Variants in RIMBP2 observed in about 807,000 individuals in gnomAD.
RIMBP2 encodes RIMS-binding protein 2.
Under a neutral mutation model 118.6 loss-of-function variants are expected in RIMBP2, and 48 were observed. The ratio of observed to expected loss-of-function variants is 0.40; its 90% CI spans 0.32 to 0.51. The LOEUF is 0.51. RIMBP2 is among the 20% of genes least tolerant of loss of function. The pLI is 0.41. For synonymous variants in RIMBP2, 762 were observed against 742.9 expected (o/e 1.03, Z -0.42); for missense variants, 1,551 against 1,768.3 (o/e 0.88, Z 2.20).
intron 4 of RIMBP2, among the ~76,000 whole-genome samples, chr12:130,494,253 C>T (rs1419684234): frequency 6.6e-6 from 1 of 152,118 alleles, no homozygotes. Flanking sequence ...AGCATCAGGC[C>T]TAGAAGTTGG....
intron 1 of RIMBP2, among the ~76,000 whole-genome samples, chr12:130,641,509 A>T (rs10848171): frequency 0.79 from 89,639 of 113,304 alleles, 35,324 homozygotes; most frequent in Non-Finnish European, 0.88. Context: ...TCGGCCCGGC[A>T]TCACGGGCTG....
At chr12:130,590,576 C>T (rs924297406) in intron 2 of RIMBP2, among the ~76,000 whole-genome samples, 26 of 152,198 alleles carry the variant, frequency 1.7e-4, no homozygotes, top group African/African-American at 5.8e-4. Context: ...GGATCTTGCA[C>T]TAAAGAAGGA....
chr12:130,696,729 G>T (rs2065592762), intron 1 of RIMBP2, among the ~76,000 whole-genome samples: 1 of 152,208 alleles, frequency 6.6e-6, no homozygotes, highest in Admixed American at 6.5e-5. Flanking sequence ...GAAGGAGTAA[G>T]GGGAATTAAA....
chr12:130,538,885 T>C (rs1309354902), intron 2 of RIMBP2, among the ~76,000 whole-genome samples: 2 of 152,132 alleles, frequency 1.3e-5, no homozygotes, highest in Non-Finnish European at 2.9e-5. Context: ...TCTCCATGCA[T>C]TTCTAGCACC....
intron 1 of RIMBP2, among the ~76,000 whole-genome samples, chr12:130,706,502 G>C (rs1348017665): frequency 6.6e-6 from 1 of 152,246 alleles, no homozygotes; most frequent in Non-Finnish European, 1.5e-5. Flanking sequence ...TGCTTCCGAG[G>C]GACACGTTCA....
At position 130,691,529 on chromosome 12, in the gene RIMBP2, G is replaced by A. The variant is rs114752271; in HGVS notation, c.-352+24693C>T. 5.9e-3 allele frequency among the ~76,000 whole-genome samples: 899 copies of A among 152,182 alleles called. 10 individuals are homozygous for A. Among genetic ancestry groups the A allele is most frequent in the African/African-American group, 0.02 (831 of 41,526 alleles). On this transcript the variant is annotated intron_variant, in intron 1 of 22. Transcript: ENST00000690449. Reference sequence around the variant, plus strand: ...TCCAAAAAAAATACAAAAATTAGCCGGATGTGATGGCCCACACTGGAATCC... The same window carrying A: ...TCCAAAAAAAATACAAAAATTAGCCAGATGTGATGGCCCACACTGGAATCC...
chr12:130,585,050 AT>A (rs1026438762), intron 2 of RIMBP2, among the ~76,000 whole-genome samples: 5 of 151,678 alleles, frequency 3.3e-5, no homozygotes, highest in African/African-American at 9.7e-5. Context: ...ATGCCCAGAA[AT>A]TTTTTTTTAA....
rs186425997 is a variant in RIMBP2, at chr12:130,661,251, A to T, written c.-351-32795T>A. Among the ~76,000 whole-genome samples the T allele has an allele frequency of 1.1e-4, 17 of 152,288 alleles. No homozygotes were observed. In the East Asian group the frequency reaches 2.9e-3, roughly 26 times the overall value. ...GGTGATCTGGGTGCCCCTGCTGCTT[A>T]GGGTCAGTCATGTGACCACACCTTA... is the stretch of plus-strand genomic sequence containing the variant. On this transcript the variant is annotated intron_variant, in intron 1 of 22. Transcript: ENST00000690449.
At chr12:130,564,703 G>C (rs1256362366) in intron 2 of RIMBP2, among the ~76,000 whole-genome samples, 1 of 152,174 alleles carries the variant, frequency 6.6e-6, no homozygotes, top group Non-Finnish European at 1.5e-5. Flanking sequence ...TCTAAACAGT[G>C]GCAGTTAACA....
At position 130,554,584 on chromosome 12, in the gene RIMBP2, CTGTTGAACAGTACTCCT is replaced by C. The variant is rs2056157220; in HGVS notation, c.-216-36684_-216-36668del. ...ACAACAGAAGTTGTCAGTGAAGGCACTGTTGAACAGTACTCCTAAATGTTTATTTAACAGATATTTGA... is the reference window on the plus strand; with the variant it reads ...ACAACAGAAGTTGTCAGTGAAGGCACAAATGTTTATTTAACAGATATTTGA... On this transcript the variant is annotated intron_variant, in intron 2 of 22. Transcript: ENST00000690449. Among the ~76,000 whole-genome samples the C allele has an allele frequency of 2.0e-5, 3 of 152,348 alleles. No homozygotes were observed. The South Asian group carries it at 6.2e-4, about 32-fold the overall frequency.
At chr12:130,570,528 T>A (rs2057550935) in intron 2 of RIMBP2, among the ~76,000 whole-genome samples, 1 of 152,130 alleles carries the variant, frequency 6.6e-6, no homozygotes, top group Admixed American at 6.5e-5. Context: ...AGGAACAGCA[T>A]AAAACAGGAG....
At chr12:130,624,697 G>A (rs111916328) in intron 2 of RIMBP2, among the ~76,000 whole-genome samples, 3 of 152,116 alleles carry the variant, frequency 2.0e-5, no homozygotes, top group African/African-American at 7.2e-5. Context: ...TTCTTTTACT[G>A]TACTGATTTA....
In RIMBP2 at chr12:130,557,126, A is replaced by G. The variant is rs369092961; in HGVS notation, c.-216-39209T>C. Among the ~76,000 whole-genome samples, 68 of 152,230 alleles carry G rather than the reference A, an allele frequency of 4.5e-4. 2 individuals carry two copies. In the South Asian group the frequency reaches 0.012, roughly 26 times the overall value. Reference sequence around the variant, plus strand: ...TCTCATATGCCTGTGTCCTTATCAAAAGGAGACCTTTGCACACAGAGCTGC... The same window carrying G: ...TCTCATATGCCTGTGTCCTTATCAAGAGGAGACCTTTGCACACAGAGCTGC... On this transcript the variant is annotated intron_variant, in intron 2 of 22. Transcript: ENST00000690449.
intron 2 of RIMBP2, among the ~76,000 whole-genome samples, chr12:130,558,593 G>A (rs1214134877): frequency 1.3e-5 from 2 of 152,178 alleles, no homozygotes; most frequent in African/African-American, 4.8e-5. Flanking sequence ...AGGTCAGCAG[G>A]GAGAGCCCCA....
intron 2 of RIMBP2, among the ~76,000 whole-genome samples, chr12:130,542,011 A>G (rs1463141753): frequency 6.6e-6 from 1 of 152,240 alleles, no homozygotes; most frequent in Non-Finnish European, 1.5e-5. Context: ...GCATCGCCTC[A>G]GAACTGGGGG....
At chr12:130,611,033 G>A (rs1268426777) in intron 2 of RIMBP2, among the ~76,000 whole-genome samples, 1 of 152,148 alleles carries the variant, frequency 6.6e-6, no homozygotes, top group Admixed American at 6.5e-5. Flanking sequence ...TCACCCTGGG[G>A]AGTCTCATCC....
At chr12:130,704,938 G>A (rs369885019) in intron 1 of RIMBP2, among the ~76,000 whole-genome samples, 3 of 152,228 alleles carry the variant, frequency 2.0e-5, no homozygotes, top group East Asian at 1.9e-4. Flanking sequence ...TCCTGTGCTC[G>A]TTTCCTGGGC....
chr12:130,528,937 G>C (rs2053087152), intron 2 of RIMBP2, among the ~76,000 whole-genome samples: 1 of 152,164 alleles, frequency 6.6e-6, no homozygotes, highest in African/African-American at 2.4e-5. Flanking sequence ...ACATTACCCA[G>C]CAATTCACTC....
chr12:130,412,951 G>A (rs1206100440), intron 18 of RIMBP2, among the ~76,000 whole-genome samples, 164 bp from the exon 19 acceptor site: 1 of 152,170 alleles, frequency 6.6e-6, no homozygotes, highest in East Asian at 1.9e-4. Context: ...CTGTGGATGT[G>A]TACATGTAAC....
Sources: gnomAD v4.1 joint callset for allele counts (sites outside exome capture counted in the v4.1 genomes callset) on GRCh38, gnomAD v4.1.1 for gene constraint, MANE v1.5 for transcripts, NCBI Gene and HGNC (gene_info 2026-07-23, HGNC 2026-07-21) for gene names.